ZCCHC10: variants seen among roughly 807,000 people sequenced by gnomAD.
The protein encoded by ZCCHC10 is zinc finger CCHC domain-containing protein 10.
ZCCHC10 carries 16 observed loss-of-function variants against 19.5 expected under a neutral mutation model. The ratio of observed to expected loss-of-function variants is 0.82; its 90% confidence interval spans 0.56 to 1.25. ZCCHC10 has a LOEUF of 1.25. Ranked by LOEUF, ZCCHC10 falls within the 50% of genes most tolerant of loss-of-function variation. The pLI is 0.00. For missense variants in ZCCHC10, 197 were observed against 201.0 expected, an observed-to-expected ratio of 0.98 and a Z score of 0.12; for synonymous variants, 67 against 72.5, an observed-to-expected ratio of 0.92 and a Z score of 0.38.
intron 2 of ZCCHC10, among the ~76,000 whole-genome samples, chr5:133,022,539 C>T (rs1039512878): frequency 2.6e-5 from 4 of 151,830 alleles, no homozygotes; most frequent in Admixed American, 6.6e-5. Context: ...CTGCAACCTC[C>T]GTCTCCCGGG....
intron 2 of ZCCHC10, among the ~76,000 whole-genome samples, chr5:133,013,409 T>C (rs774020445): frequency 6.6e-6 from 1 of 151,770 alleles, no homozygotes; most frequent in Non-Finnish European, 1.5e-5. Context: ...AAACTAGTAA[T>C]AGCAAATGTT....
intron 2 of ZCCHC10, among the ~76,000 whole-genome samples, chr5:133,012,231 G>C (rs966200462): frequency 4.0e-5 from 6 of 151,810 alleles, no homozygotes; most frequent in Admixed American, 1.3e-4. Flanking sequence ...ACCTTGGAAG[G>C]TTGAGGCAGG....
intron 2 of ZCCHC10, among the ~76,000 whole-genome samples, chr5:133,012,210 G>A (rs374208166): frequency 6.6e-6 from 1 of 151,092 alleles, no homozygotes; most frequent in Non-Finnish European, 1.5e-5. Context: ...GCTCACGCCT[G>A]TAATCCCAGC....
At chr5:133,025,125 G>T (rs1764585668) in intron 1 of ZCCHC10, among the ~76,000 whole-genome samples, 1 of 152,106 alleles carries the variant, frequency 6.6e-6, no homozygotes, top group South Asian at 2.1e-4. Context: ...GCTACATATA[G>T]ACATGAAAAT....
intron 1 of ZCCHC10, among the ~76,000 whole-genome samples, chr5:133,025,479 GGGA>G (rs1301877432): frequency 2.2e-4 from 31 of 139,874 alleles, no homozygotes; most frequent in Non-Finnish European, 4.4e-4. Context: ...ACTCCAGCCT[GGGA>G]GACAGAGCAA....
intron 2 of ZCCHC10, among the ~76,000 whole-genome samples, chr5:133,014,844 C>T (rs756840462): frequency 5.9e-5 from 9 of 152,164 alleles, no homozygotes; most frequent in East Asian, 3.9e-4. Context: ...TGGTATAATG[C>T]GTGATTACAC....
intron 4 of ZCCHC10, 71 bp from the exon 5 acceptor site, chr5:132,998,921 T>C: frequency 3.2e-6 from 5 of 1,547,062 alleles, no homozygotes; most frequent in Non-Finnish European, 4.3e-6. Flanking sequence ...AATTTCATTT[T>C]TTTTTTCTTT....
chr5:133,001,395 TAAA>T (rs1447756978), intron 3 of ZCCHC10, among the ~76,000 whole-genome samples: 2 of 135,680 alleles, frequency 1.5e-5, no homozygotes, highest in African/African-American at 3.1e-5. Flanking sequence ...TGTCTCAAAA[TAAA>T]AACAACAACA....
intron 2 of ZCCHC10, among the ~76,000 whole-genome samples, chr5:133,021,262 C>T (rs1764293323): frequency 6.6e-6 from 1 of 152,166 alleles, no homozygotes; most frequent in African/African-American, 2.4e-5. Flanking sequence ...ATCTCCTGAC[C>T]TTGTGATCCG....
intron 2 of ZCCHC10, among the ~76,000 whole-genome samples, chr5:133,014,154 CTTTTTTTTT>C (rs767551153): frequency 8.0e-5 from 9 of 113,078 alleles, no homozygotes; most frequent in Admixed American, 5.8e-4. Flanking sequence ...ACTATTTACT[CTTTTTTTTT>C]TTTTTTTTTT....
At chr5:133,004,469 C>T (rs1022753259) in intron 3 of ZCCHC10, among the ~76,000 whole-genome samples, 1 of 152,082 alleles carries the variant, frequency 6.6e-6, no homozygotes, top group East Asian at 1.9e-4. Flanking sequence ...CCACCGCGCC[C>T]GGCTTAGTTC....
chr5:133,023,234 A>G (rs1255848897), intron 1 of ZCCHC10, among the ~76,000 whole-genome samples: 1 of 152,080 alleles, frequency 6.6e-6, no homozygotes, highest in Non-Finnish European at 1.5e-5. Context: ...GAGTAGTGGA[A>G]TCTCATATAA....
At chr5:133,003,760 G>T (rs922449589) in intron 3 of ZCCHC10, among the ~76,000 whole-genome samples, 1 of 152,190 alleles carries the variant, frequency 6.6e-6, no homozygotes, top group Non-Finnish European at 1.5e-5. Context: ...ACCCAGGCTG[G>T]AGTGCAGTGG....
intron 3 of ZCCHC10, among the ~76,000 whole-genome samples, chr5:133,002,476 G>A (rs959439433): frequency 6.6e-6 from 1 of 152,006 alleles, no homozygotes; most frequent in Non-Finnish European, 1.5e-5. Flanking sequence ...CAAAGTGCTA[G>A]GATTATAGGT....
chr5:132,999,613 C>T lies in ZCCHC10; in HGVS notation c.311+519G>A, dbSNP rs180914078. ...GACAATTATTTATTGTTTCCACGTA[C>T]AAGGACTCTAGAAAGTTGGAGTAAA... On this transcript the variant is annotated intron_variant, in intron 4 of 4. Transcript: ENST00000509437. Among the ~76,000 whole-genome samples the T allele has an allele frequency of 9.2e-5, 14 of 152,130 alleles. No homozygotes were observed. The East Asian group carries it at 2.5e-3, about 27-fold the overall frequency.
chr5:133,010,792 C>CT (rs112679739), intron 2 of ZCCHC10, among the ~76,000 whole-genome samples: 7 of 148,684 alleles, frequency 4.7e-5, no homozygotes, highest in East Asian at 2.0e-4. Flanking sequence ...TTAAAAGGAA[C>CT]TTTTTTTTTT....
chr5:133,024,507 C>CG (rs1764537659), intron 1 of ZCCHC10, among the ~76,000 whole-genome samples: 1 of 152,172 alleles, frequency 6.6e-6, no homozygotes, highest in South Asian at 2.1e-4. Flanking sequence ...GAGCCAACAA[C>CG]GAAAGAGCAA....
At chr5:133,025,308 T>C (rs1346878104) in intron 1 of ZCCHC10, among the ~76,000 whole-genome samples, 1 of 151,278 alleles carries the variant, frequency 6.6e-6, no homozygotes, top group African/African-American at 2.4e-5. Context: ...ATCGAGACCA[T>C]CCTGGCTAAC....
chr5:133,006,777 C>A lies in ZCCHC10; in HGVS notation c.251G>T (p.Arg84Ile), dbSNP rs1763148070. 3.7e-6 allele frequency: 6 copies of A among 1,604,412 alleles called. No homozygotes were observed. The highest frequency in any genetic ancestry group is 5.1e-6 in the Non-Finnish European group (6 of 1,177,560). The change falls in exon 3 of 5, where the codon AGA (arginine) becomes ATA (isoleucine). Residue 84 changes from arginine (R) to isoleucine (I), a missense_variant. Transcript: ENST00000509437. ...LKKALKEKEN[R>I]LLLQQSIGET... ...AACCTACCTTTGTTGCAATAATAAT[C>A]TGTTTTCTTTTTCTTTTAAAGCTTT...
Sources: gnomAD v4.1 joint callset for allele counts (sites outside exome capture counted in the v4.1 genomes callset) on GRCh38, gnomAD v4.1.1 for gene constraint, MANE v1.5 for transcripts, NCBI Gene and HGNC (gene_info 2026-07-23, HGNC 2026-07-21) for gene names.